Variants in AGBL4 observed in about 807,000 individuals in gnomAD.
AGBL4 encodes AGBL carboxypeptidase 4, also known as cytosolic carboxypeptidase 6.
AGBL4 carries 58 observed loss-of-function variants against 66.4 expected under a neutral mutation model. The observed-to-expected ratio is 0.87, with a 90% CI of 0.71 to 1.09. The LOEUF is 1.09. Ranked by LOEUF, AGBL4 falls within the 50% of genes least tolerant of loss-of-function variation. The pLI, the probability that AGBL4 is intolerant of heterozygous loss-of-function variation, is 0.00. For synonymous variants in AGBL4, 234 were observed against 222.9 expected (o/e 1.05, Z -0.44); for missense variants, 579 against 631.0 (o/e 0.92, Z 0.88).
chr1:48,990,958 T>A (rs1301748936), intron 5 of AGBL4, among the ~76,000 whole-genome samples: 1 of 152,148 alleles, frequency 6.6e-6, no homozygotes, highest in Non-Finnish European at 1.5e-5. Context: ...TATTTTTGAT[T>A]GGTTCATGAT....
chr1:49,759,342 GA>G (rs1652133046), intron 2 of AGBL4, among the ~76,000 whole-genome samples: 1 of 152,100 alleles, frequency 6.6e-6, no homozygotes, highest in Non-Finnish European at 1.5e-5. Flanking sequence ...CAAAGTAAGA[GA>G]CATTCTAAAA....
chr1:49,024,424 A>G (rs1365858355), intron 5 of AGBL4, among the ~76,000 whole-genome samples: 1 of 152,128 alleles, frequency 6.6e-6, no homozygotes, highest in Non-Finnish European at 1.5e-5. Context: ...ATTCTTTCTG[A>G]TTCCCCAGCC....
intron 3 of AGBL4, among the ~76,000 whole-genome samples, chr1:49,398,873 T>A (rs1645027121): frequency 6.6e-6 from 1 of 152,198 alleles, no homozygotes; most frequent in Non-Finnish European, 1.5e-5. Flanking sequence ...TAGTTATTTT[T>A]AAAATGTACA....
intron 3 of AGBL4, among the ~76,000 whole-genome samples, chr1:49,348,716 C>G (rs1009862516): frequency 2.6e-5 from 4 of 152,206 alleles, no homozygotes; most frequent in African/African-American, 7.2e-5. Flanking sequence ...TTTAATCCGT[C>G]TAATTTGTGG....
At chr1:48,809,128 G>A (rs1285790668) in intron 6 of AGBL4, among the ~76,000 whole-genome samples, 1 of 152,158 alleles carries the variant, frequency 6.6e-6, no homozygotes, top group African/African-American at 2.4e-5. Flanking sequence ...CTACTTTAGG[G>A]AAGGAGGAGG....
At chr1:48,568,763 C>T (rs897055986) in intron 11 of AGBL4, among the ~76,000 whole-genome samples, 1 of 152,168 alleles carries the variant, frequency 6.6e-6, no homozygotes, top group Non-Finnish European at 1.5e-5. Context: ...GGCTCCTCCT[C>T]TATGAAGTCA....
At chr1:48,966,186 A>G (rs1208750818) in intron 5 of AGBL4, among the ~76,000 whole-genome samples, 1 of 152,184 alleles carries the variant, frequency 6.6e-6, no homozygotes, top group African/African-American at 2.4e-5. Context: ...CTTTCTTCTA[A>G]TCCAAATGTG....
chr1:49,734,687 T>C (rs1219309905), intron 2 of AGBL4, among the ~76,000 whole-genome samples: 1 of 152,034 alleles, frequency 6.6e-6, no homozygotes, highest in African/African-American at 2.4e-5. Flanking sequence ...ATATCAATTT[T>C]CCCCTAAGTT....
At chr1:48,770,980 G>A (rs1644795550) in intron 6 of AGBL4, among the ~76,000 whole-genome samples, 1 of 152,210 alleles carries the variant, frequency 6.6e-6, no homozygotes, top group South Asian at 2.1e-4. Context: ...CTAAACAACT[G>A]TTTGAATGGC....
chr1:49,512,503 T>C (rs1649363683), intron 3 of AGBL4, among the ~76,000 whole-genome samples: 1 of 151,760 alleles, frequency 6.6e-6, no homozygotes, highest in Admixed American at 6.6e-5. Context: ...CAATAGTGAG[T>C]AAATTCTTAC....
chr1:49,308,644 T>C (rs1050432586), intron 3 of AGBL4, among the ~76,000 whole-genome samples: 2 of 152,178 alleles, frequency 1.3e-5, no homozygotes, highest in African/African-American at 2.4e-5. Context: ...TAGGACACTA[T>C]TTTTCTTCTT....
intron 3 of AGBL4, among the ~76,000 whole-genome samples, chr1:49,429,656 A>T (rs1019999621): frequency 3.9e-5 from 6 of 152,070 alleles, no homozygotes; most frequent in Admixed American, 3.3e-4. Context: ...TTTTTTAAAA[A>T]ATAAGAACCT....
At chr1:49,412,914 A>C (rs1179731116) in intron 3 of AGBL4, among the ~76,000 whole-genome samples, 2 of 152,172 alleles carry the variant, frequency 1.3e-5, no homozygotes, top group African/African-American at 4.8e-5. Flanking sequence ...AGGCAAGATA[A>C]GAAGAAGAGG....
intron 3 of AGBL4, among the ~76,000 whole-genome samples, chr1:49,316,138 G>A (rs1645035445): frequency 6.6e-6 from 1 of 151,948 alleles, no homozygotes; most frequent in African/African-American, 2.4e-5. Flanking sequence ...GTGGAGCATA[G>A]GGAATTTTTA....
At chr1:49,141,104 T>C (rs34986883) in intron 4 of AGBL4, among the ~76,000 whole-genome samples, 1,549 of 152,280 alleles carry the variant, frequency 0.01, 49 homozygotes, top group Admixed American at 0.07. Context: ...AAAAAGAAGA[T>C]ATTATTAATT....
intron 4 of AGBL4, among the ~76,000 whole-genome samples, chr1:49,186,881 G>A (rs1647025037): frequency 6.6e-6 from 1 of 152,166 alleles, no homozygotes; most frequent in Admixed American, 6.5e-5. Context: ...CTGGGGAGGG[G>A]AGGGTAGTCA....
At chr1:49,363,027 C>A (rs746725406) in intron 3 of AGBL4, among the ~76,000 whole-genome samples, 15 of 152,068 alleles carry the variant, frequency 9.9e-5, no homozygotes, top group Non-Finnish European at 1.3e-4. Flanking sequence ...ATATAACAGT[C>A]AAGGTCTCCT....
intron 5 of AGBL4, among the ~76,000 whole-genome samples, chr1:48,873,029 C>G (rs1648843255): frequency 6.6e-6 from 1 of 152,168 alleles, no homozygotes; most frequent in Non-Finnish European, 1.5e-5. Context: ...TTTACTATGG[C>G]CTCTTAAAGC....
intron 3 of AGBL4, among the ~76,000 whole-genome samples, chr1:49,680,724 G>A (rs1340106942): frequency 2.0e-5 from 3 of 151,904 alleles, no homozygotes; most frequent in East Asian, 3.9e-4. Flanking sequence ...CTGCTTTGAG[G>A]TTCACCCAAT....
Sources: allele counts gnomAD v4.1 joint callset (sites outside exome capture counted in the v4.1 genomes callset), GRCh38; gene constraint gnomAD v4.1.1; transcripts MANE v1.5; gene names NCBI Gene and HGNC (gene_info 2026-07-23, HGNC 2026-07-21).